The following SOX5 variants were observed in gnomAD, a reference collection of about 807,000 sequenced individuals.
SOX5 encodes the protein transcription factor SOX-5.
A neutral mutation model predicts 92.0 loss-of-function variants in SOX5; 9 were observed. The observed-to-expected ratio is 0.10, with a 90% CI of 0.06 to 0.17. The LOEUF is 0.17. Ranked by LOEUF, SOX5 falls within the 10% of genes least tolerant of loss-of-function variation. The pLI is 1.00. For missense variants in SOX5, 642 were observed against 944.5 expected (o/e 0.68, Z 4.20); for synonymous variants, 344 against 336.3 (o/e 1.02, Z -0.25).
intron 3 of SOX5, among the ~76,000 whole-genome samples, chr12:23,794,838 T>C (rs1567819593): frequency 1.3e-5 from 2 of 152,148 alleles, no homozygotes; most frequent in Non-Finnish European, 2.9e-5. Context: ...TAAAATAGTA[T>C]CATTTCTTAG....
chr12:24,273,715 C>A (rs554274786), intron 3 of SOX5, among the ~76,000 whole-genome samples: 22 of 152,186 alleles, frequency 1.4e-4, no homozygotes, highest in Non-Finnish European at 3.1e-4. Flanking sequence ...TTAATTTCTT[C>A]CTTTTATTAC....
intron 3 of SOX5, among the ~76,000 whole-genome samples, chr12:23,761,551 A>G (rs1250506224): frequency 1.3e-5 from 2 of 152,130 alleles, no homozygotes; most frequent in African/African-American, 2.4e-5. Context: ...ACAGACTAAA[A>G]AAGTACCAAT....
At chr12:23,904,936 A>C (rs891987176) in intron 1 of SOX5, among the ~76,000 whole-genome samples, 1 of 152,124 alleles carries the variant, frequency 6.6e-6, no homozygotes, top group Non-Finnish European at 1.5e-5. Flanking sequence ...GATGGAGGGG[A>C]GGATTAGATG....
At chr12:24,398,729 T>C (rs1227187764) in intron 1 of SOX5, among the ~76,000 whole-genome samples, 1 of 152,236 alleles carries the variant, frequency 6.6e-6, no homozygotes, top group Admixed American at 6.5e-5. Context: ...GTTTTGACTA[T>C]GCATTGATAA....
chr12:23,568,689 C>T (rs1357259723), intron 10 of SOX5, among the ~76,000 whole-genome samples: 2 of 152,042 alleles, frequency 1.3e-5, no homozygotes, highest in Admixed American at 6.6e-5. Flanking sequence ...CTCTCCTTTA[C>T]CCTCTAAAGA....
chr12:23,671,412 G>A (rs1353648166), intron 6 of SOX5, among the ~76,000 whole-genome samples: 1 of 152,136 alleles, frequency 6.6e-6, no homozygotes, highest in Non-Finnish European at 1.5e-5. Context: ...GAGCATAGCA[G>A]CTGTTTAGAA....
intron 1 of SOX5, among the ~76,000 whole-genome samples, chr12:24,389,447 G>A (rs1344285481): frequency 6.6e-6 from 1 of 152,134 alleles, no homozygotes; most frequent in African/African-American, 2.4e-5. Flanking sequence ...AAGTTCCAGA[G>A]TACATGTGCA....
chr12:23,927,865 T>C (rs544396072), intron 1 of SOX5, among the ~76,000 whole-genome samples: 16 of 152,156 alleles, frequency 1.1e-4, no homozygotes, highest in African/African-American at 3.6e-4. Context: ...CCGCAAAACA[T>C]AGAGATCCTC....
At chr12:24,327,601 T>C (rs1950857073) in intron 2 of SOX5, among the ~76,000 whole-genome samples, 1 of 151,484 alleles carries the variant, frequency 6.6e-6, no homozygotes, top group Non-Finnish European at 1.5e-5. Flanking sequence ...TTTATTTTTT[T>C]TAGACAGAGT....
At chr12:23,637,358 CCAA>C (rs1324660179) in intron 8 of SOX5, among the ~76,000 whole-genome samples, 17 of 152,198 alleles carry the variant, frequency 1.1e-4, no homozygotes, top group African/African-American at 3.9e-4. Flanking sequence ...TGAGAACAAG[CCAA>C]CAACAACAAA....
chr12:23,924,472 C>T (rs990395131), intron 1 of SOX5, among the ~76,000 whole-genome samples: 1 of 152,012 alleles, frequency 6.6e-6, no homozygotes, highest in Non-Finnish European at 1.5e-5. Context: ...GGTGAAAGCA[C>T]CAAAAATGCT....
chr12:23,624,131 AC>A (rs955072064), intron 8 of SOX5, among the ~76,000 whole-genome samples: 1 of 152,124 alleles, frequency 6.6e-6, no homozygotes, highest in Non-Finnish European at 1.5e-5. Context: ...GGTGCCTAGA[AC>A]AGTTAAATTC....
At chr12:24,435,994 G>A (rs574364856) in intron 1 of SOX5, among the ~76,000 whole-genome samples, 9 of 152,278 alleles carry the variant, frequency 5.9e-5, no homozygotes, top group South Asian at 2.1e-4. Flanking sequence ...AACCAAGCCC[G>A]TATAAGAAGG....
chr12:24,304,552 G>A (rs1259995487), intron 2 of SOX5, among the ~76,000 whole-genome samples: 1 of 152,090 alleles, frequency 6.6e-6, no homozygotes, highest in East Asian at 1.9e-4. Flanking sequence ...GCAGCTTTGG[G>A]ATAAAAAGGA....
At position 24,020,758 on chromosome 12, in the gene SOX5, C is replaced by T. The variant is rs545881614; in HGVS notation, c.-1-124734G>A. ...TCCGGAGTCGCTTAATCAACTCCCT[C>T]GGAAGGAAGACCATATGTAGTTCTG... On this transcript the variant is annotated intron_variant, in intron 4 of 4. Coordinates refer to the SOX5 transcript ENST00000446891. Among the ~76,000 whole-genome samples, 20 of 152,282 alleles carry T rather than the reference C, an allele frequency of 1.3e-4. No individual in the cohort carries two copies. In the South Asian group the frequency reaches 2.3e-3, roughly 17 times the overall value.
intron 6 of SOX5, among the ~76,000 whole-genome samples, chr12:23,720,232 T>C (rs1265424836): frequency 1.3e-5 from 2 of 152,090 alleles, no homozygotes; most frequent in African/African-American, 4.8e-5. Context: ...AATGGTAGAA[T>C]AGAAAGAAGC....
chr12:23,701,215 G>A (rs1199460193), intron 6 of SOX5, among the ~76,000 whole-genome samples: 2 of 151,950 alleles, frequency 1.3e-5, no homozygotes, highest in African/African-American at 2.4e-5. Flanking sequence ...CCACTCTGAA[G>A]AAAACTGTGG....
At chr12:23,872,469 C>A (rs1045263238) in intron 2 of SOX5, among the ~76,000 whole-genome samples, 1 of 152,018 alleles carries the variant, frequency 6.6e-6, no homozygotes, top group African/African-American at 2.4e-5. Flanking sequence ...GTTATGGTGT[C>A]ATTAAAAGAT....
intron 1 of SOX5, among the ~76,000 whole-genome samples, chr12:24,511,923 A>G (rs1259978726): frequency 6.7e-6 from 1 of 148,832 alleles, no homozygotes. Flanking sequence ...GTGCCACTGC[A>G]CTCCAGCCTG....
Sources: gnomAD v4.1 joint callset for allele counts (sites outside exome capture counted in the v4.1 genomes callset) on GRCh38, gnomAD v4.1.1 for gene constraint, MANE v1.5 for transcripts, NCBI Gene and HGNC (gene_info 2026-07-23, HGNC 2026-07-21) for gene names.